The following GATB variants were observed in gnomAD, a reference collection of about 807,000 sequenced individuals.
GATB encodes the protein glutamyl-tRNA amidotransferase subunit B, also known as glutamyl-tRNA(Gln) amidotransferase subunit B, mitochondrial.
A neutral mutation model predicts 62.3 loss-of-function variants in GATB; 39 were observed. The observed-to-expected ratio is 0.63, with a 90% CI of 0.48 to 0.82. The LOEUF (loss-of-function observed/expected upper bound fraction) is 0.82, where lower values mean the gene tolerates loss of function less well. Among genes scored for constraint, GATB ranks in the 40% least tolerant of loss-of-function variants. The probability of loss-of-function intolerance (pLI) is 0.00; values close to 1 mark genes in which losing one functional copy is unlikely to be tolerated. For synonymous variants in GATB, 276 were observed against 258.9 expected, an observed-to-expected ratio of 1.07 and a Z score of -0.63; for missense variants, 670 against 684.0, an observed-to-expected ratio of 0.98 and a Z score of 0.23.
At position 151,730,953 on chromosome 4, in the gene GATB, CAGG is replaced by C. The variant is rs1739231958; in HGVS notation, c.328-11418_328-11416del. ...TCCCTGATTTACCTGAAAAAGAATT[CAGG>C]AGGTCAGCTATTAAGCTAATCAGGG... On this transcript the variant is annotated intron_variant, in intron 2 of 12. Coordinates refer to ENST00000263985, the MANE Select transcript of GATB (RefSeq NM_004564.3). This position sits in a 1 kb window ranked among gnomAD's most constrained non-coding sequence, Gnocchi z 4.1. Among the ~76,000 whole-genome samples the C allele has an allele frequency of 6.6e-6, 1 of 152,202 alleles. No individual in the cohort carries two copies. The highest frequency in any genetic ancestry group is 1.9e-4 in the East Asian group (1 of 5,200).
chr4:151,703,783 T>G, intron 8 of GATB, 68 bp downstream of exon 8: 2 of 1,112,768 alleles, frequency 1.8e-6, no homozygotes, highest in Non-Finnish European at 2.8e-6. Context: ...TATGTTGAAC[T>G]TTAAATGAAC....
At chr4:151,749,036 T>C (rs1307729889) in intron 2 of GATB, among the ~76,000 whole-genome samples, 2 of 152,090 alleles carry the variant, frequency 1.3e-5, no homozygotes, top group South Asian at 2.1e-4. Flanking sequence ...TGTGGAGAAA[T>C]AGGAACACTT....
At chr4:151,703,686 C>A (rs1004808491) in intron 8 of GATB, 165 bp downstream of exon 8, 2 of 643,276 alleles carry the variant, frequency 3.1e-6, no homozygotes, top group East Asian at 2.7e-5. Flanking sequence ...GTACTTCTCT[C>A]GGTATGCATA....
At chr4:151,695,042 T>C (rs946911393) in intron 9 of GATB, among the ~76,000 whole-genome samples, 1 of 152,206 alleles carries the variant, frequency 6.6e-6, no homozygotes, top group East Asian at 1.9e-4. Flanking sequence ...AGGCTGACTA[T>C]AAAGACAAAG....
intron 10 of GATB, among the ~76,000 whole-genome samples, chr4:151,683,175 GC>G (rs1250070260): frequency 7.9e-6 from 1 of 126,756 alleles, no homozygotes; most frequent in African/African-American, 3.8e-5. Flanking sequence ...GCAGTCACTT[GC>G]GTCTGCCCAG....
chr4:151,670,510 T>A lies in GATB; in HGVS notation c.*664A>T, dbSNP rs1021727978. The A allele has an allele frequency of 1.3e-4, 20 of 152,222 alleles. No homozygotes were observed. The highest frequency in any genetic ancestry group is 4.6e-4 in the African/African-American group (19 of 41,446). The allele number at this position is 152,222 out of a possible 1,614,324, so 9.4% of individuals were successfully genotyped here. A position where few individuals can be genotyped will look rare whatever the true frequency, so the allele number is the denominator to read the frequency against. On this transcript the variant is annotated 3_prime_UTR_variant, in exon 13 of 13. Coordinates refer to ENST00000263985, the MANE Select transcript of GATB (RefSeq NM_004564.3). ...AAATTTATTGGAAAACTTATTTTTT[T>A]AATTCATTTATTCTCAGACTGTGCC... is the stretch of plus-strand genomic sequence containing the variant.
At chr4:151,759,240 A>G (rs951639975) in intron 1 of GATB, among the ~76,000 whole-genome samples, 11 of 152,234 alleles carry the variant, frequency 7.2e-5, no homozygotes, top group African/African-American at 2.7e-4. Flanking sequence ...TCAGGTGACA[A>G]CTGCTTGGCT....
At chr4:151,705,341 C>T (rs990814711) in intron 6 of GATB, 72 bp from the exon 7 acceptor site, 61 of 877,838 alleles carry the variant, frequency 6.9e-5, no homozygotes, top group Non-Finnish European at 6.4e-5. Flanking sequence ...TAATTAGAAA[C>T]AACCTTTCTC....
chr4:151,717,151 A>G, intron 3 of GATB, 77 bp from the exon 4 acceptor site: 1 of 1,362,140 alleles, frequency 7.3e-7, no homozygotes, highest in Non-Finnish European at 1.0e-6. Context: ...TCCCTTTTAC[A>G]ATGTCACACA....
rs767270767 is a variant in GATB, at chr4:151,688,760, C to T, written c.1201G>A (p.Glu401Lys). 1.0e-5 allele frequency: 16 copies of T among 1,537,738 alleles called. No individual in the cohort carries two copies. Among genetic ancestry groups the T allele is most frequent in the East Asian group, 6.8e-5 (3 of 43,830 alleles). ...TGGAAGAACTCCAGTAGGCCGACTT[C>T]GTTCTGTTAAAAAAAAAAAAAGAAA... Reference protein sequence around the residue: ...LLEHSFTLLNEVGLLEFFQNV... With the variant: ...LLEHSFTLLNKVGLLEFFQNV... The change falls in exon 10 of 13, where the codon GAA becomes AAA. Residue 401 changes from glutamate to lysine, a missense_variant. Coordinates refer to ENST00000263985, the MANE Select transcript of GATB (RefSeq NM_004564.3).
At chr4:151,707,803 C>A (rs945786808) in intron 6 of GATB, among the ~76,000 whole-genome samples, 185 bp downstream of exon 6, 1 of 152,218 alleles carries the variant, frequency 6.6e-6, no homozygotes, top group Non-Finnish European at 1.5e-5. Flanking sequence ...TACCATGGAC[C>A]CTCTGCTTCA....
At position 151,747,439 on chromosome 4, in the gene GATB, C is replaced by T. The variant is rs374543708; in HGVS notation, c.327+11333G>A. Among the ~76,000 whole-genome samples the T allele has an allele frequency of 2.0e-4, 31 of 152,316 alleles. 1 individual carries two copies. The highest frequency in any genetic ancestry group is 1.0e-3 in the Admixed American group (16 of 15,298). On this transcript the variant is annotated intron_variant, in intron 2 of 12. Coordinates refer to ENST00000263985, the MANE Select transcript of GATB (RefSeq NM_004564.3). ...CCTGGCTTGGATGTGTGCAGCTTGA[C>T]GCTGGCACTATCTAAGCTGTGTGGC...
chr4:151,701,288 C>G, intron 9 of GATB, 41 bp downstream of exon 9: 1 of 1,466,030 alleles, frequency 6.8e-7, no homozygotes, highest in Non-Finnish European at 9.1e-7. Context: ...ACTGCCCCAT[C>G]TGCTGAGCCG....
intron 10 of GATB, among the ~76,000 whole-genome samples, chr4:151,684,876 C>T (rs1446955422): frequency 6.6e-6 from 1 of 152,214 alleles, no homozygotes; most frequent in Non-Finnish European, 1.5e-5. Context: ...ACTCAACAGG[C>T]TAATTTATCT....
chr4:151,722,234 A>G, intron 2 of GATB: 1 of 702,470 alleles, frequency 1.4e-6, no homozygotes, highest in Non-Finnish European at 2.6e-6. Flanking sequence ...AAAAATTCTT[A>G]AATGTCTATA....
intron 2 of GATB, among the ~76,000 whole-genome samples, chr4:151,742,384 G>A (rs1378338127): frequency 1.3e-5 from 2 of 152,204 alleles, no homozygotes; most frequent in Non-Finnish European, 2.9e-5. Context: ...CACCGCACCC[G>A]GCTGGGAGGG....
intron 9 of GATB, among the ~76,000 whole-genome samples, chr4:151,696,713 T>G (rs1738476795): frequency 6.6e-6 from 1 of 152,228 alleles, no homozygotes; most frequent in Admixed American, 6.5e-5. Flanking sequence ...CAGGCAGCCT[T>G]TTCTAGGCTG....
chr4:151,681,846 G>A (rs1301198502), intron 10 of GATB, among the ~76,000 whole-genome samples: 1 of 152,136 alleles, frequency 6.6e-6, no homozygotes, highest in African/African-American at 2.4e-5. Context: ...GTGGTGGAAG[G>A]AGCGAGGGAG....
At chr4:151,724,069 T>A (rs1339079505) in intron 2 of GATB, 2 of 152,130 alleles carry the variant, frequency 1.3e-5, no homozygotes, top group African/African-American at 4.8e-5. Flanking sequence ...CAACTCAGAG[T>A]TTGCATGAGA....
Sources: allele counts gnomAD v4.1 joint callset (sites outside exome capture counted in the v4.1 genomes callset), GRCh38; gene constraint gnomAD v4.1.1; non-coding constraint Gnocchi (gnomAD v3.1); transcripts MANE v1.5; gene names NCBI Gene and HGNC (gene_info 2026-07-23, HGNC 2026-07-21).